The following SCMH1 variants were observed in gnomAD, a reference collection of about 807,000 sequenced individuals.
SCMH1 encodes the protein polycomb protein SCMH1.
Under a neutral mutation model 70.8 loss-of-function variants are expected in SCMH1, and 37 were observed. The observed-to-expected ratio is 0.52, with a 90% CI of 0.40 to 0.69. The LOEUF (loss-of-function observed/expected upper bound fraction) is 0.69. SCMH1 is among the 30% of genes least tolerant of loss of function. The pLI, the probability that SCMH1 is intolerant of heterozygous loss-of-function variation, is 0.00. For synonymous variants in SCMH1, 292 were observed against 307.4 expected, an observed-to-expected ratio of 0.95 and a Z score of 0.52; for missense variants, 607 against 827.3, an observed-to-expected ratio of 0.73 and a Z score of 3.27.
intron 8 of SCMH1, among the ~76,000 whole-genome samples, chr1:41,090,620 A>T (rs190925946): frequency 1.0e-3 from 153 of 152,324 alleles, no homozygotes; most frequent in African/African-American, 3.6e-3. Flanking sequence ...GTATCAAAAT[A>T]TCACATGTAC....
chr1:41,064,158 G>A (rs760275292), intron 10 of SCMH1, among the ~76,000 whole-genome samples: 10 of 152,068 alleles, frequency 6.6e-5, no homozygotes, highest in Non-Finnish European at 1.0e-4. Flanking sequence ...TAATCATATC[G>A]ATAGATGCAG....
At chr1:41,064,664 A>G (rs72663759) in intron 10 of SCMH1, among the ~76,000 whole-genome samples, 16,299 of 152,184 alleles carry the variant, frequency 0.11, 1,006 homozygotes, top group South Asian at 0.18. Context: ...TGTAATCCCA[A>G]TGCTTTGTGA....
At chr1:41,036,910 C>CCAAGCTTGGGTGTGTT (rs1645380663) in intron 13 of SCMH1, among the ~76,000 whole-genome samples, 1 of 152,160 alleles carries the variant, frequency 6.6e-6, no homozygotes, top group African/African-American at 2.4e-5. Flanking sequence ...CCCTTGAACA[C>CCAAGCTTGGGTGTGTT]CAAGCTTGGG....
At chr1:41,215,503 A>G (rs1460308669) in intron 1 of SCMH1, among the ~76,000 whole-genome samples, 1 of 151,880 alleles carries the variant, frequency 6.6e-6, no homozygotes, top group Admixed American at 6.6e-5. Flanking sequence ...AGGGCTGACA[A>G]TCTTCTCTTT....
At chr1:41,223,548 C>A (rs905915620) in intron 1 of SCMH1, among the ~76,000 whole-genome samples, 2 of 151,714 alleles carry the variant, frequency 1.3e-5, no homozygotes, top group Non-Finnish European at 2.9e-5. Flanking sequence ...CCTCAATCAT[C>A]CCTAACAAGT....
At chr1:41,190,358 T>A (rs1470155617) in intron 1 of SCMH1, among the ~76,000 whole-genome samples, 2 of 152,138 alleles carry the variant, frequency 1.3e-5, no homozygotes, top group Non-Finnish European at 2.9e-5. Flanking sequence ...GGGAGAGAAT[T>A]AGAACCAGTG....
At chr1:41,123,154 C>T (rs1310724776) in intron 6 of SCMH1, among the ~76,000 whole-genome samples, 1 of 151,980 alleles carries the variant, frequency 6.6e-6, no homozygotes, top group East Asian at 1.9e-4. Context: ...CTGGGGATGT[C>T]GAGGCTGCAG....
At chr1:41,122,191 A>C (rs1672116016) in intron 6 of SCMH1, among the ~76,000 whole-genome samples, 1 of 152,210 alleles carries the variant, frequency 6.6e-6, no homozygotes, top group Admixed American at 6.5e-5. Flanking sequence ...CATGTTTACA[A>C]GGCTTACATG....
At chr1:41,031,384 C>G (rs1441627448) in intron 13 of SCMH1, among the ~76,000 whole-genome samples, 1 of 152,194 alleles carries the variant, frequency 6.6e-6, no homozygotes, top group Non-Finnish European at 1.5e-5. Flanking sequence ...TTAACTCTCT[C>G]CGGCAAAGGC....
chr1:41,211,065 C>G (rs1656902127), intron 1 of SCMH1, among the ~76,000 whole-genome samples: 1 of 152,096 alleles, frequency 6.6e-6, no homozygotes, highest in African/African-American at 2.4e-5. Flanking sequence ...GCCTCGGCCT[C>G]CCAAAGTGCA....
At chr1:41,082,158 A>AT (rs1660221692) in intron 8 of SCMH1, among the ~76,000 whole-genome samples, 4 of 152,122 alleles carry the variant, frequency 2.6e-5, no homozygotes, top group Admixed American at 2.6e-4. Flanking sequence ...AAAAGCACTA[A>AT]TTATCAAAGA....
intron 6 of SCMH1, among the ~76,000 whole-genome samples, chr1:41,137,649 C>T (rs1643571241): frequency 6.6e-6 from 1 of 152,218 alleles, no homozygotes; most frequent in Non-Finnish European, 1.5e-5. Context: ...AGAGATATCT[C>T]TCAACGAACA....
chr1:41,161,240 C>A lies in SCMH1; in HGVS notation c.82+124G>T, dbSNP rs997137680. On this transcript the variant is annotated intron_variant, in intron 3 of 14. Transcript: ENST00000337495. ...TTATGACCAATACCTCTGTAAACTGCAATATTTGCTTCTGATATAACAATT... is the reference window on the plus strand; with the variant it reads ...TTATGACCAATACCTCTGTAAACTGAAATATTTGCTTCTGATATAACAATT... The A allele has an allele frequency of 1.8e-5, 26 of 1,435,016 alleles. No individual in the cohort carries two copies. In the African/African-American group the frequency reaches 3.0e-4, roughly 17 times the overall value. 88.9% of individuals were successfully genotyped at this position (1,435,016 alleles called of 1,614,324 possible). A position where few individuals can be genotyped will look rare whatever the true frequency, so the allele number is the denominator to read the frequency against.
At chr1:41,150,845 G>A (rs1364924046) in intron 5 of SCMH1, among the ~76,000 whole-genome samples, 1 of 146,348 alleles carries the variant, frequency 6.8e-6, no homozygotes, top group Non-Finnish European at 1.5e-5. Context: ...GCTGAGGCAG[G>A]AGAATGGTAT....
intron 2 of SCMH1, among the ~76,000 whole-genome samples, chr1:41,181,825 T>C (rs1648858939): frequency 6.6e-6 from 1 of 152,266 alleles, no homozygotes; most frequent in East Asian, 1.9e-4. Flanking sequence ...GAAATACCAT[T>C]TGACCCAGCA....
chr1:41,202,141 T>C (rs183111490), intron 1 of SCMH1, among the ~76,000 whole-genome samples: 1 of 152,266 alleles, frequency 6.6e-6, no homozygotes, highest in Non-Finnish European at 1.5e-5. Context: ...GTTCAAGTGA[T>C]TCTCCTGTCT....
chr1:41,207,569 T>G (rs190664745), intron 1 of SCMH1, among the ~76,000 whole-genome samples: 1 of 152,314 alleles, frequency 6.6e-6, no homozygotes, highest in African/African-American at 2.4e-5. Context: ...CAAAGAGACT[T>G]AGACTCCCAT....
chr1:41,206,913 A>G (rs1280129568), intron 1 of SCMH1, among the ~76,000 whole-genome samples: 2 of 152,250 alleles, frequency 1.3e-5, no homozygotes, highest in African/African-American at 4.8e-5. Flanking sequence ...AGAATTTTCA[A>G]CGCAGAATTT....
intron 6 of SCMH1, among the ~76,000 whole-genome samples, chr1:41,123,795 A>G (rs558561431): frequency 6.6e-6 from 1 of 152,376 alleles, no homozygotes; most frequent in Non-Finnish European, 1.5e-5. Flanking sequence ...CCACTGCAAA[A>G]GAGTAATATC....
Sources: allele counts gnomAD v4.1 joint callset (sites outside exome capture counted in the v4.1 genomes callset), GRCh38; gene constraint gnomAD v4.1.1; transcripts MANE v1.5; gene names NCBI Gene and HGNC (gene_info 2026-07-23, HGNC 2026-07-21).